Variants in HUWE1 observed in about 807,000 individuals in gnomAD.
HUWE1 encodes E3 ubiquitin-protein ligase HUWE1.
In HUWE1, 18 loss-of-function variants were observed where a neutral mutation model predicts 299.4. That is an observed-to-expected ratio of 0.06 (90% CI 0.04 to 0.09). The LOEUF is 0.09. Ranked by LOEUF, HUWE1 falls within the 10% of genes least tolerant of loss-of-function variation. The pLI, the probability that HUWE1 is intolerant of heterozygous loss-of-function variation, is 1.00. For synonymous variants in HUWE1, 1,317 were observed against 1,286.1 expected (o/e 1.02, Z -0.51); for missense variants, 1,832 against 3,462.3 (o/e 0.53, Z 11.82).
chrX:53,547,655 G>A lies in HUWE1; in HGVS notation c.10636+18C>T, dbSNP rs782426327. 1.7e-6 allele frequency: 2 copies of A among 1,209,746 alleles called. No homozygotes were observed. Among genetic ancestry groups the A allele is most frequent in the Non-Finnish European group, 2.2e-6 (2 of 894,540 alleles). On this transcript the variant is annotated intron_variant, in intron 68 of 83. Coordinates refer to ENST00000262854, the MANE Select transcript of HUWE1 (RefSeq NM_031407.7). ...CACAGTATATACCCCACAGCTCCCA[G>A]TCTACATCCACACTTACTTGAAACA...
chrX:53,672,676 ATACT>A (rs1242307909), intron 3 of HUWE1, among the ~76,000 whole-genome samples: 1 of 111,993 alleles, frequency 8.9e-6, no homozygotes, highest in East Asian at 2.8e-4. Flanking sequence ...AATATGGCAA[ATACT>A]TAATTGTTGG....
At chrX:53,672,905 G>C (rs1402615174) in intron 3 of HUWE1, among the ~76,000 whole-genome samples, 1 of 111,959 alleles carries the variant, frequency 8.9e-6, no homozygotes, top group Non-Finnish European at 1.9e-5. Flanking sequence ...TTATCTGTGA[G>C]TTTGGGGTTT....
intron 7 of HUWE1, among the ~76,000 whole-genome samples, chrX:53,639,541 A>C (rs1248604838): frequency 8.9e-6 from 1 of 111,828 alleles, no homozygotes; most frequent in South Asian, 3.7e-4. Context: ...TAAGAAAACA[A>C]GGATGTAAGG....
At position 53,549,388 on chromosome X, in the gene HUWE1, A is replaced by G. The variant is rs1290725935; in HGVS notation, c.9606T>C (p.Thr3202=). Residue 3202 remains threonine (T), a synonymous_variant, in exon 67 of 84, where the codon ACT becomes ACC. Coordinates refer to ENST00000262854, the MANE Select transcript of HUWE1 (RefSeq NM_031407.7). ...TTCTCAGTACTCGGTGTAGACGGCTAGTATTGAGCTTTGGCTCATCCACAA... is the reference window on the plus strand; with the variant it reads ...TTCTCAGTACTCGGTGTAGACGGCTGGTATTGAGCTTTGGCTCATCCACAA... ...LLFVDEPKLN[T]SRLHRVLRNL... is the part of the protein sequence containing the mutation. 1 of 1,211,196 alleles carries G rather than the reference A, an allele frequency of 8.3e-7. No individual in the cohort carries two copies. Among genetic ancestry groups the G allele is most frequent in the Non-Finnish European group, 1.1e-6 (1 of 895,154 alleles).
chrX:53,608,084 T>A (rs1176345707), intron 24 of HUWE1, among the ~76,000 whole-genome samples: 1 of 112,214 alleles, frequency 8.9e-6, no homozygotes, highest in Non-Finnish European at 1.9e-5. Context: ...AATGTGCTTA[T>A]AATGCAAATG....
intron 25 of HUWE1, among the ~76,000 whole-genome samples, 182 bp from the exon 26 acceptor site, chrX:53,605,016 C>T (rs2065075684): frequency 8.9e-6 from 1 of 112,131 alleles, no homozygotes; most frequent in Admixed American, 9.4e-5. Flanking sequence ...CATACCTTAA[C>T]ATCTCTTTCT....
intron 41 of HUWE1, 33 bp downstream of exon 41, chrX:53,584,153 A>G: frequency 8.4e-7 from 1 of 1,184,152 alleles, no homozygotes; most frequent in Admixed American, 2.2e-5. Context: ...ACAAAGGCAC[A>G]TTAGCTTTAG....
intron 6 of HUWE1, 93 bp from the exon 7 acceptor site, chrX:53,645,556 T>C: frequency 1.1e-6 from 1 of 906,494 alleles, no homozygotes; most frequent in Non-Finnish European, 1.6e-6. Flanking sequence ...TACAAAGCTA[T>C]CAAGAAGTTT....
At chrX:53,562,691 G>C in intron 53 of HUWE1, 140 bp downstream of exon 53, 1 of 520,659 alleles carries the variant, frequency 1.9e-6, no homozygotes, top group Non-Finnish European at 3.4e-6. Flanking sequence ...AGGATAAAGT[G>C]GATGGTGTAT....
At chrX:53,535,300 G>T in intron 81 of HUWE1, 84 bp downstream of exon 81, 2 of 635,934 alleles carry the variant, frequency 3.1e-6, no homozygotes, top group Non-Finnish European at 2.7e-6. Flanking sequence ...CATAGCAGAG[G>T]AAAACAAAAC....
chrX:53,578,393 C>T (rs1177668379), intron 43 of HUWE1, among the ~76,000 whole-genome samples: 8 of 87,390 alleles, frequency 9.2e-5, no homozygotes, highest in African/African-American at 1.4e-4. Context: ...CCGCCCCGTC[C>T]GGGAGGTGAG....
rs1556941716 is a variant in HUWE1, at chrX:53,562,101, C to T, written c.7338+10G>A. 8.3e-7 allele frequency: 1 copy of T among 1,207,191 alleles called. No individual in the cohort carries two copies. The highest frequency in any genetic ancestry group is 1.1e-6 in the Non-Finnish European group (1 of 893,489). Reference sequence around the variant, plus strand: ...TCATCTGAACCAACCCAAACGCAGTCCCCCCTCACCTGATCATCTTCCTCA... The same window carrying T: ...TCATCTGAACCAACCCAAACGCAGTTCCCCCTCACCTGATCATCTTCCTCA... On this transcript the variant is annotated intron_variant, in intron 54 of 83. Transcript: ENST00000262854.
chrX:53,634,383 C>T (rs1452799996), intron 7 of HUWE1, 85 bp from the exon 8 acceptor site: 1 of 627,828 alleles, frequency 1.6e-6, no homozygotes, highest in Non-Finnish European at 2.7e-6. Context: ...CAGAGTGAGA[C>T]CTTATCTCTC....
At chrX:53,539,860 C>T (rs781813911) in intron 74 of HUWE1, 48 bp from the exon 75 acceptor site, 11 of 1,133,918 alleles carry the variant, frequency 9.7e-6, no homozygotes, top group Middle Eastern at 2.4e-4. Context: ...AATTTCCCTT[C>T]TGCTTAGATC....
rs368604606 is a variant in HUWE1, at chrX:53,654,158, T to C, written c.-24-27A>G. 7.2e-4 allele frequency: 658 copies of C among 917,258 alleles called. No individual in the cohort carries two copies. Among genetic ancestry groups the C allele is most frequent in the Non-Finnish European group, 1.0e-3 (635 of 637,589 alleles). The allele number at this position is 917,258 out of a possible 1,213,427, so 75.6% of individuals were successfully genotyped here. The stretch of plus-strand genomic sequence containing the variant: ...TGAAAAAAGAAAATCCCAAAAGAAG[T>C]GAGAACTTAAAGCTACAATCTTGAG... On this transcript the variant is annotated intron_variant, in intron 3 of 83. Coordinates refer to ENST00000262854, the MANE Select transcript of HUWE1 (RefSeq NM_031407.7).
At chrX:53,605,375 G>T (rs1230829925) in intron 25 of HUWE1, among the ~76,000 whole-genome samples, 1 of 112,157 alleles carries the variant, frequency 8.9e-6, no homozygotes, top group Admixed American at 9.4e-5. Flanking sequence ...GAGAAATCAT[G>T]TGCCTTCCTA....
At position 53,544,501 on chromosome X, in the gene HUWE1, AG is replaced by A. The variant is rs1298516532; in HGVS notation, c.11251+58del. 3 of 979,959 alleles carry A rather than the reference AG, an allele frequency of 3.1e-6. No individual in the cohort carries two copies. In the African/African-American group the frequency reaches 5.7e-5, roughly 19 times the overall value. The allele number at this position is 979,959 out of a possible 1,213,427, so 80.8% of individuals were successfully genotyped here. The stretch of plus-strand genomic sequence containing the variant: ...CAGGCCGTTAAGTCCTGCACCTCCA[AG>A]GAATCTGGCTTTACCGCCACCAACC... On this transcript the variant is annotated intron_variant, in intron 72 of 83. Transcript: ENST00000262854.
chrX:53,567,082 A>C (rs1556946619), intron 49 of HUWE1, among the ~76,000 whole-genome samples: 1 of 111,926 alleles, frequency 8.9e-6, no homozygotes, highest in African/African-American at 3.2e-5. Context: ...AATTTTTTGG[A>C]TATGACAATG....
chrX:53,577,093 C>T (rs1020231992), intron 43 of HUWE1, 26 bp from the exon 44 acceptor site: 8 of 1,134,673 alleles, frequency 7.1e-6, no homozygotes, highest in Non-Finnish European at 9.7e-6. Flanking sequence ...AGAGAAAAAC[C>T]AGTCAATCAT....
Sources: gnomAD v4.1 joint callset for allele counts (sites outside exome capture counted in the v4.1 genomes callset) on GRCh38, gnomAD v4.1.1 for gene constraint, MANE v1.5 for transcripts, NCBI Gene and HGNC (gene_info 2026-07-23, HGNC 2026-07-21) for gene names.